Variants in PDIA5 observed in about 807,000 individuals in gnomAD.
PDIA5 encodes protein disulfide isomerase family A member 5.
In PDIA5, 58 loss-of-function variants were observed where a neutral mutation model predicts 77.6. The observed-to-expected ratio is 0.75, with a 90% CI of 0.61 to 0.93. The LOEUF is 0.93. Ranked by LOEUF, PDIA5 falls within the 40% of genes least tolerant of loss-of-function variation. The pLI is 0.00. For synonymous variants in PDIA5, 250 were observed against 252.1 expected, an observed-to-expected ratio of 0.99 and a Z score of 0.08; for missense variants, 630 against 647.7, an observed-to-expected ratio of 0.97 and a Z score of 0.30.
intron 10 of PDIA5, among the ~76,000 whole-genome samples, chr3:123,126,276 T>C (rs1358688469): frequency 6.6e-6 from 1 of 151,372 alleles, no homozygotes; most frequent in African/African-American, 2.4e-5. Context: ...CCGGCTGGCC[T>C]GCACCCCACA....
At position 123,085,825 on chromosome 3, in the gene PDIA5, T is replaced by C. The variant is rs906657105; in HGVS notation, c.43-3343T>C. On this transcript the variant is annotated intron_variant, in intron 1 of 16. Coordinates refer to ENST00000316218, the MANE Select transcript of PDIA5 (RefSeq NM_006810.4). Reference sequence around the variant, plus strand: ...TCCGCTGGTCAGATTATCTGAGGATTAAAAACAGCAGTGAGGCAATGTGTT... The same window carrying C: ...TCCGCTGGTCAGATTATCTGAGGATCAAAAACAGCAGTGAGGCAATGTGTT... Among the ~76,000 whole-genome samples, 5 of 152,242 alleles carry C rather than the reference T, an allele frequency of 3.3e-5. No individual in the cohort carries two copies. In the East Asian group the frequency reaches 9.6e-4, roughly 29 times the overall value.
intron 13 of PDIA5, 64 bp from the exon 14 acceptor site, chr3:123,150,170 A>G (rs1935855791): frequency 7.7e-7 from 1 of 1,292,974 alleles, no homozygotes; most frequent in African/African-American, 1.5e-5. Flanking sequence ...TTGAGGGTGG[A>G]TTTCCTTGCC....
chr3:123,155,128 G>A (rs190494203), intron 15 of PDIA5, 87 bp downstream of exon 15: 1 of 934,814 alleles, frequency 1.1e-6, no homozygotes, highest in East Asian at 2.4e-5. Flanking sequence ...CCCCAAACAG[G>A]GGCAGGTCTG....
At chr3:123,073,493 C>T (rs866697256) in intron 1 of PDIA5, among the ~76,000 whole-genome samples, 1 of 152,200 alleles carries the variant, frequency 6.6e-6, no homozygotes, top group East Asian at 1.9e-4. Flanking sequence ...TGACTGTATC[C>T]TTCCCCCAAG....
chr3:123,156,742 C>T (rs1936027584), intron 15 of PDIA5, among the ~76,000 whole-genome samples: 1 of 152,148 alleles, frequency 6.6e-6, no homozygotes, highest in Non-Finnish European at 1.5e-5. Context: ...CTGGGCTTGC[C>T]CTCCCAGCCA....
At chr3:123,083,224 G>T (rs751139225) in intron 1 of PDIA5, among the ~76,000 whole-genome samples, 49 of 149,980 alleles carry the variant, frequency 3.3e-4, no homozygotes, top group Non-Finnish European at 5.2e-4. Context: ...GGGGAGGGGG[G>T]GTGCAGTGAA....
intron 2 of PDIA5, among the ~76,000 whole-genome samples, chr3:123,091,684 A>G (rs1018161407): frequency 1.3e-5 from 2 of 152,194 alleles, no homozygotes; most frequent in African/African-American, 4.8e-5. Flanking sequence ...CATGGTCCAC[A>G]TTCCTGCAAT....
intron 8 of PDIA5, among the ~76,000 whole-genome samples, chr3:123,117,017 G>T (rs575744088): frequency 2.0e-5 from 3 of 151,504 alleles, no homozygotes; most frequent in African/African-American, 4.9e-5. Context: ...GGAGTGTTGT[G>T]GGGGAGAAGA....
chr3:123,140,840 G>A (rs941829177), intron 11 of PDIA5, among the ~76,000 whole-genome samples: 11 of 152,234 alleles, frequency 7.2e-5, no homozygotes, highest in Admixed American at 2.0e-4. Flanking sequence ...AGCCATGTGT[G>A]CGAGCTGCGG....
chr3:123,095,609 T>G (rs1221126987), intron 3 of PDIA5, among the ~76,000 whole-genome samples: 1 of 151,400 alleles, frequency 6.6e-6, no homozygotes, highest in Non-Finnish European at 1.5e-5. Context: ...ATTAGCTGAG[T>G]GTGGTGGTGC....
At chr3:123,069,051 C>A (rs1309946788) in intron 1 of PDIA5, among the ~76,000 whole-genome samples, 1 of 152,214 alleles carries the variant, frequency 6.6e-6, no homozygotes, top group Admixed American at 6.5e-5. Context: ...GAGTCCTGAG[C>A]AAGCAATTTC....
At chr3:123,153,885 G>C (rs1009766882) in intron 14 of PDIA5, among the ~76,000 whole-genome samples, 2 of 152,208 alleles carry the variant, frequency 1.3e-5, no homozygotes, top group African/African-American at 4.8e-5. Context: ...TCCCACCGTG[G>C]CATCTCTGCC....
chr3:123,079,141 T>A (rs1377729402), intron 1 of PDIA5, among the ~76,000 whole-genome samples: 1 of 152,070 alleles, frequency 6.6e-6, no homozygotes, highest in African/African-American at 2.4e-5. Flanking sequence ...TTTGTTTACT[T>A]ATAGTTGTGG....
chr3:123,146,416 C>T (rs2673344), intron 13 of PDIA5, among the ~76,000 whole-genome samples, 157 bp downstream of exon 13: 152,093 of 152,338 alleles, frequency 1, 75,925 homozygotes, highest in Middle Eastern at 1. Context: ...AACCACCGTT[C>T]ATATGCTGAT....
chr3:123,127,492 A>G (rs836858), intron 10 of PDIA5, among the ~76,000 whole-genome samples: 108,429 of 152,122 alleles, frequency 0.71, 39,526 homozygotes, highest in Non-Finnish European at 0.8. Context: ...CCTGAGAGCT[A>G]GGTGAAGAAA....
intron 11 of PDIA5, among the ~76,000 whole-genome samples, chr3:123,135,556 G>A (rs970317487): frequency 1.3e-5 from 2 of 152,080 alleles, no homozygotes; most frequent in African/African-American, 4.8e-5. Flanking sequence ...GAGCCGGGCT[G>A]TTTCTGGCAG....
At chr3:123,130,723 C>T in intron 11 of PDIA5, 107 bp downstream of exon 11, 1 of 1,300,968 alleles carries the variant, frequency 7.7e-7, no homozygotes, top group Non-Finnish European at 1.1e-6. Context: ...TTTTGGATGC[C>T]AGGACCCATG....
At chr3:123,118,620 C>T (rs1002400183) in intron 8 of PDIA5, among the ~76,000 whole-genome samples, 2 of 152,180 alleles carry the variant, frequency 1.3e-5, no homozygotes, top group African/African-American at 2.4e-5. Flanking sequence ...CAGCCAGATA[C>T]GTTCATCTTT....
chr3:123,112,683 G>A (rs943920098), intron 7 of PDIA5, among the ~76,000 whole-genome samples: 6 of 151,620 alleles, frequency 4.0e-5, no homozygotes, highest in Middle Eastern at 3.2e-3. Flanking sequence ...TCAGCTTCCC[G>A]AGTAGCTGGG....
Sources: gnomAD v4.1 joint callset for allele counts (sites outside exome capture counted in the v4.1 genomes callset) on GRCh38, gnomAD v4.1.1 for gene constraint, MANE v1.5 for transcripts, NCBI Gene and HGNC (gene_info 2026-07-23, HGNC 2026-07-21) for gene names.